The following TMEM259 variants were observed in gnomAD, a reference collection of about 807,000 sequenced individuals.
TMEM259 encodes the protein membralin.
TMEM259 carries 26 observed loss-of-function variants against 46.7 expected under a neutral mutation model. The ratio of observed to expected loss-of-function variants is 0.56; its 90% CI spans 0.41 to 0.77. The LOEUF (loss-of-function observed/expected upper bound fraction) is 0.77, where lower values mean the gene tolerates loss of function less well. Among genes scored for constraint, TMEM259 ranks in the 30% least tolerant of loss-of-function variants. The probability of loss-of-function intolerance (pLI) is 0.00; values close to 1 mark genes in which losing one functional copy is unlikely to be tolerated. For synonymous variants in TMEM259, 494 were observed against 395.1 expected (o/e 1.25, Z -2.97); for missense variants, 930 against 900.5 (o/e 1.03, Z -0.42).
Position 1,009,997 on chromosome 19 carries a change from G to T in TMEM259, c.*353C>A, listed in dbSNP as rs559120926. 3.3e-5 allele frequency: 11 copies of T among 330,926 alleles called. No individual in the cohort carries two copies. The South Asian group carries it at 3.7e-4, about 11-fold the overall frequency. 20.5% of individuals were successfully genotyped at this position (330,926 alleles called of 1,614,324 possible). A position where few individuals can be genotyped will look rare whatever the true frequency, so the allele number is the denominator to read the frequency against. On this transcript the variant is annotated 3_prime_UTR_variant, in exon 11 of 11. Transcript: ENST00000356663. ...AGGGCGCGAGGCCCCACCCCAAGCC[G>T]GCCTCTCCTCCACACCTCCGCCTTG...
rs2038845327 is a variant in TMEM259, at chr19:1,009,982, G to GC, written c.*367dup. 1 of 326,854 alleles carries GC rather than the reference G, an allele frequency of 3.1e-6. No individual in the cohort carries two copies. The highest frequency in any genetic ancestry group is 5.6e-6 in the Non-Finnish European group (1 of 179,356). The allele number at this position is 326,854 out of a possible 1,614,324, so 20.2% of individuals were successfully genotyped here. On this transcript the variant is annotated 3_prime_UTR_variant, in exon 11 of 11. Coordinates refer to ENST00000356663, the MANE Select transcript of TMEM259 (RefSeq NM_001033026.2). The stretch of plus-strand genomic sequence containing the variant: ...AGGCCGGCCGGCACTAGGGCGCGAG[G>GC]CCCCACCCCAAGCCGGCCTCTCCTC...
At chr19:1,018,349 G>A (rs569343921) in intron 1 of TMEM259, among the ~76,000 whole-genome samples, 2 of 152,020 alleles carry the variant, frequency 1.3e-5, no homozygotes, top group South Asian at 2.1e-4. Flanking sequence ...GGACCGGGGG[G>A]CTCCATGCTG....
In TMEM259 at chr19:1,013,223, C is replaced by T. The variant is rs1162273422; in HGVS notation, c.607+18G>A. 6.2e-7 allele frequency: 1 copy of T among 1,611,234 alleles called. No homozygotes were observed. The highest frequency in any genetic ancestry group is 1.1e-5 in the South Asian group (1 of 91,022). ...GAGGCAACCCCGTGAGGCAGTACAC[C>T]TTTGGTGGGTGGCCTACCTTTGGTG... On this transcript the variant is annotated intron_variant, in intron 3 of 10. Coordinates refer to ENST00000356663, the MANE Select transcript of TMEM259 (RefSeq NM_001033026.2).
rs1211061875 is a variant in TMEM259 at position 1,009,849 on chromosome 19, C to T, written c.*501G>A. The T allele has an allele frequency of 9.6e-6, 4 of 416,430 alleles. No homozygotes were observed. The highest frequency in any genetic ancestry group is 5.7e-5 in the South Asian group (1 of 17,664). The allele number at this position is 416,430 out of a possible 1,614,324, so 25.8% of individuals were successfully genotyped here. ...GGCGCCTGCACCCCACGTCCCTATG[C>T]CCGAGGCGCAAGCTCTGCTCTCCCG... On this transcript the variant is annotated 3_prime_UTR_variant, in exon 11 of 11. Transcript: ENST00000356663.
chr19:1,015,411 A>G (rs2039075236), intron 1 of TMEM259, among the ~76,000 whole-genome samples: 1 of 152,118 alleles, frequency 6.6e-6, no homozygotes, highest in African/African-American at 2.4e-5. Flanking sequence ...GGGCTTGGGG[A>G]GCCCACGCCC....
intron 2 of TMEM259, 73 bp downstream of exon 2, chr19:1,014,119 G>C: frequency 1.3e-6 from 2 of 1,532,952 alleles, no homozygotes; most frequent in East Asian, 4.5e-5. Flanking sequence ...GTCGATGTCA[G>C]GAACCGCCCC....
At position 1,013,224 on chromosome 19, in the gene TMEM259, T is replaced by G; in HGVS notation, c.607+17A>C. On this transcript the variant is annotated intron_variant, in intron 3 of 10. Transcript: ENST00000356663. Reference sequence around the variant, plus strand: ...AGGCAACCCCGTGAGGCAGTACACCTTTGGTGGGTGGCCTACCTTTGGTGG... The same window carrying G: ...AGGCAACCCCGTGAGGCAGTACACCGTTGGTGGGTGGCCTACCTTTGGTGG... 1 of 1,609,262 alleles carries G rather than the reference T, an allele frequency of 6.2e-7. No individual in the cohort carries two copies. Among genetic ancestry groups the G allele is most frequent in the Non-Finnish European group, 8.5e-7 (1 of 1,175,954 alleles).
At position 1,014,377 on chromosome 19, in the gene TMEM259, C is replaced by T; in HGVS notation, c.322G>A (p.Glu108Lys). The change falls in exon 2 of 11, where the codon GAG (glutamate) becomes AAG (lysine). Residue 108 changes from glutamate to lysine, a missense_variant. Physicochemically the swap from Glu to Lys is moderately conservative, Grantham distance 56. Transcript: ENST00000356663. ...CGCACTTCCACACGCAGGATGCCCTCACGCGGCCACTTGTCACGCACATGC... is the reference window on the plus strand; with the variant it reads ...CGCACTTCCACACGCAGGATGCCCTTACGCGGCCACTTGTCACGCACATGC... ...LEHVRDKWPR[E>K]GILRVEVRHN... The T allele has an allele frequency of 6.2e-7, 1 of 1,612,894 alleles. No homozygotes were observed. The highest frequency in any genetic ancestry group is 1.1e-5 in the South Asian group (1 of 91,074).
In TMEM259 at chr19:1,021,088, G is replaced by A. The variant is rs950433650; in HGVS notation, c.-92C>T. 37 of 1,204,212 alleles carry A rather than the reference G, an allele frequency of 3.1e-5. No individual in the cohort carries two copies. Among genetic ancestry groups the A allele is most frequent in the South Asian group, 4.7e-5 (2 of 42,966 alleles). 74.6% of individuals were successfully genotyped at this position (1,204,212 alleles called of 1,614,324 possible). ...CCCTCGCAGCCGCCGCTCTCCTCAC[G>A]GCCTCCCGGCCGCCGCCGCCATCTT... On this transcript the variant is annotated 5_prime_UTR_variant, in exon 1 of 11. Coordinates refer to ENST00000356663, the MANE Select transcript of TMEM259 (RefSeq NM_001033026.2).
At chr19:1,016,871 G>C (rs990254154) in intron 1 of TMEM259, among the ~76,000 whole-genome samples, 1 of 152,178 alleles carries the variant, frequency 6.6e-6, no homozygotes, top group Non-Finnish European at 1.5e-5. Context: ...GACAGCGGAC[G>C]TGATGAGAGG....
chr19:1,011,426 G>A lies in TMEM259; in HGVS notation c.1158C>T (p.Leu386=), dbSNP rs376911320. The A allele has an allele frequency of 2.1e-4, 336 of 1,571,500 alleles. No individual in the cohort carries two copies. The highest frequency in any genetic ancestry group is 8.2e-4 in the Middle Eastern group (4 of 4,874). Residue 386 remains leucine, a synonymous_variant, in exon 9 of 11, where the codon CTC becomes CTT. Coordinates refer to ENST00000356663, the MANE Select transcript of TMEM259 (RefSeq NM_001033026.2). The part of the protein sequence containing the change: ...TAFYIILIVW[L]ADQYDAICCH... ...AGCAGATGGCGTCATACTGGTCCGC[G>A]AGCCACACGATGAGGATGATGTAGA...
intron 10 of TMEM259, 98 bp downstream of exon 10, chr19:1,010,998 C>T (rs2038894205): frequency 1.9e-6 from 3 of 1,543,532 alleles, no homozygotes; most frequent in African/African-American, 1.4e-5. Flanking sequence ...TACCTCTGCC[C>T]GCTTGGGCCG....
At position 1,020,110 on chromosome 19, in the gene TMEM259, G is replaced by A. The variant is rs564538301; in HGVS notation, c.225+662C>T. Reference sequence around the variant, plus strand: ...GGAGTGGGGACCCAGCGGAGGAAGAGGCCGGGGATGGGGTGGTACGCTGCT... The same window carrying A: ...GGAGTGGGGACCCAGCGGAGGAAGAAGCCGGGGATGGGGTGGTACGCTGCT... On this transcript the variant is annotated intron_variant, in intron 1 of 10. Transcript: ENST00000356663. The surrounding 1 kb of genome is among the most constrained non-coding windows in gnomAD (Gnocchi z 4.0). Among the ~76,000 whole-genome samples the A allele has an allele frequency of 6.6e-6, 1 of 152,164 alleles. No homozygotes were observed.
chr19:1,009,771 A>C lies in TMEM259; in HGVS notation c.*579T>G. 1 of 602,508 alleles carries C rather than the reference A, an allele frequency of 1.7e-6. No homozygotes were observed. Among genetic ancestry groups the C allele is most frequent in the Non-Finnish European group, 2.6e-6 (1 of 388,804 alleles). 37.3% of individuals were successfully genotyped at this position (602,508 alleles called of 1,614,324 possible). On this transcript the variant is annotated 3_prime_UTR_variant, in exon 11 of 11. Coordinates refer to ENST00000356663, the MANE Select transcript of TMEM259 (RefSeq NM_001033026.2). ...GAGTGACTGGTTTGGCCGCCGGCCC[A>C]CTCCATCCCCGAGTGGGACTGGACC...
Position 1,011,675 on chromosome 19 carries a change from G to A in TMEM259, c.1001-12C>T. 6.5e-7 allele frequency: 1 copy of A among 1,540,202 alleles called. No individual in the cohort carries two copies. The highest frequency in any genetic ancestry group is 1.4e-5 in the African/African-American group (1 of 72,856). ...CTGCAGCAGGTCCACTGCGGGCACAGGGCGGCGGGCGCCCGGTGAGGGCCT... is the reference window on the plus strand; with the variant it reads ...CTGCAGCAGGTCCACTGCGGGCACAAGGCGGCGGGCGCCCGGTGAGGGCCT... On this transcript the variant is annotated splice_polypyrimidine_tract_variant and intron_variant, in intron 7 of 10. Transcript: ENST00000356663.
chr19:1,010,488 G>A lies in TMEM259; in HGVS notation c.1725C>T (p.Gly575=), dbSNP rs200818449. Reference sequence around the variant, plus strand: ...CACTGTCCTGGGGGGCGTGGGGGAGGCCCCCAGCAGGGCCCAGCGGGCTGG... The same window carrying A: ...CACTGTCCTGGGGGGCGTGGGGGAGACCCCCAGCAGGGCCCAGCGGGCTGG... ...RPASPLGPAG[G]LPHAPQDSVP... The change falls in exon 11 of 11, where the codon GGC becomes GGT. Residue 575 remains glycine, a synonymous_variant. Transcript: ENST00000356663. 4.3e-5 allele frequency: 67 copies of A among 1,545,638 alleles called. No individual in the cohort carries two copies. Among genetic ancestry groups the A allele is most frequent in the Non-Finnish European group, 5.7e-5 (65 of 1,145,546 alleles).
chr19:1,010,608 A>C lies in TMEM259; in HGVS notation c.1605T>G (p.Gly535=), dbSNP rs1471808247. ...TCTCTGCCATCCAACCCAGGTCACC[A>C]CCGGCAGCTGCTGCCACTGAGGCTG... ...AAAASVAAAA[G]GDLGWMAETA... Residue 535 remains glycine, a synonymous_variant, in exon 11 of 11, where the codon GGT becomes GGG. Transcript: ENST00000356663. 1.9e-6 allele frequency: 3 copies of C among 1,549,942 alleles called. No individual in the cohort carries two copies. Among genetic ancestry groups the C allele is most frequent in the East Asian group, 2.4e-5 (1 of 41,226 alleles).
At position 1,011,424 on chromosome 19, in the gene TMEM259, G is replaced by A. The variant is rs775949211; in HGVS notation, c.1160C>T (p.Ala387Val). ...GCAGCAGATGGCGTCATACTGGTCC[G>A]CGAGCCACACGATGAGGATGATGTA... ...AFYIILIVWL[A>V]DQYDAICCHT... The change falls in exon 9 of 11, where the codon GCG (alanine) becomes GTG (valine). Residue 387 changes from alanine (A) to valine (V), a missense_variant. By Grantham distance (64) the Ala-to-Val change is moderately conservative (BLOSUM62 0). Transcript: ENST00000356663. 1.4e-5 allele frequency: 22 copies of A among 1,560,760 alleles called. No individual in the cohort carries two copies. Among genetic ancestry groups the A allele is most frequent in the African/African-American group, 5.5e-5 (4 of 73,240 alleles).
intron 1 of TMEM259, among the ~76,000 whole-genome samples, chr19:1,015,750 C>T (rs2039086549): frequency 6.6e-6 from 1 of 152,198 alleles, no homozygotes; most frequent in Non-Finnish European, 1.5e-5. Context: ...CTGGCAGGTG[C>T]ACCAATGCCC....
Sources: allele counts gnomAD v4.1 joint callset (sites outside exome capture counted in the v4.1 genomes callset), GRCh38; gene constraint gnomAD v4.1.1; non-coding constraint Gnocchi (gnomAD v3.1); transcripts MANE v1.5; gene names NCBI Gene and HGNC (gene_info 2026-07-23, HGNC 2026-07-21).